CDH12: variants seen among roughly 807,000 people sequenced by gnomAD.
CDH12 encodes cadherin 12, also known as cadherin-12.
A neutral mutation model predicts 74.1 loss-of-function variants in CDH12; 41 were observed. The ratio of observed to expected loss-of-function variants is 0.55; its 90% confidence interval spans 0.43 to 0.72. The LOEUF (loss-of-function observed/expected upper bound fraction) is 0.72. Among genes scored for constraint, CDH12 ranks in the 30% least tolerant of loss-of-function variants. The pLI is 0.00. For synonymous variants in CDH12, 399 were observed against 355.0 expected (o/e 1.12, Z -1.39); for missense variants, 945 against 977.2 (o/e 0.97, Z 0.44).
At chr5:22,036,998 A>G (rs1453196822) in intron 5 of CDH12, among the ~76,000 whole-genome samples, 4 of 152,200 alleles carry the variant, frequency 2.6e-5, no homozygotes, top group African/African-American at 9.6e-5. Flanking sequence ...TTGTTAATCA[A>G]CTCTAAAATT....
chr5:22,722,357 G>A (rs1000590168), intron 1 of CDH12, among the ~76,000 whole-genome samples: 12 of 152,218 alleles, frequency 7.9e-5, no homozygotes, highest in African/African-American at 2.9e-4. Context: ...CCCTTGCAGA[G>A]TTATATCACA....
intron 3 of CDH12, among the ~76,000 whole-genome samples, chr5:22,234,212 A>T (rs1216105527): frequency 6.6e-6 from 1 of 152,190 alleles, no homozygotes; most frequent in Non-Finnish European, 1.5e-5. Flanking sequence ...AAAACAAAAC[A>T]TACAGAGGGA....
chr5:21,994,449 C>T (rs553947647), intron 5 of CDH12, among the ~76,000 whole-genome samples: 15 of 152,230 alleles, frequency 9.9e-5, no homozygotes, highest in African/African-American at 3.6e-4. Flanking sequence ...AAAAGAAAAA[C>T]AATATTCGGC....
chr5:22,140,389 A>T (rs1746716882), intron 4 of CDH12, among the ~76,000 whole-genome samples: 1 of 152,060 alleles, frequency 6.6e-6, no homozygotes, highest in Non-Finnish European at 1.5e-5. Flanking sequence ...AAAGAATGCC[A>T]CACAATAATT....
intron 2 of CDH12, among the ~76,000 whole-genome samples, chr5:22,426,276 C>A (rs1580636939): frequency 6.7e-6 from 1 of 148,712 alleles, no homozygotes; most frequent in East Asian, 2.0e-4. Flanking sequence ...CTGTTCCAAT[C>A]TATTTTATTT....
At chr5:22,129,731 C>A (rs1355204481) in intron 4 of CDH12, among the ~76,000 whole-genome samples, 2 of 151,774 alleles carry the variant, frequency 1.3e-5, no homozygotes, top group Non-Finnish European at 2.9e-5. Context: ...ATATAGAAAA[C>A]CAGCAGGCAA....
chr5:22,645,122 G>T (rs1739368751), intron 1 of CDH12, among the ~76,000 whole-genome samples: 1 of 152,028 alleles, frequency 6.6e-6, no homozygotes, highest in South Asian at 2.1e-4. Flanking sequence ...TATTATTTAA[G>T]AAATACATTT....
intron 8 of CDH12, among the ~76,000 whole-genome samples, chr5:21,823,801 C>T (rs1424954296): frequency 6.6e-6 from 1 of 152,106 alleles, no homozygotes; most frequent in Non-Finnish European, 1.5e-5. Flanking sequence ...TGCTCAGCTT[C>T]CCCAACCTTC....
intron 1 of CDH12, among the ~76,000 whole-genome samples, chr5:22,514,040 C>T (rs137925096): frequency 3.3e-4 from 49 of 148,250 alleles, no homozygotes; most frequent in African/African-American, 1.2e-3. Context: ...AAGTATAATA[C>T]AATTATTTTA....
chr5:22,249,084 C>T (rs1217890635), intron 3 of CDH12, among the ~76,000 whole-genome samples: 3 of 151,784 alleles, frequency 2.0e-5, no homozygotes, highest in Admixed American at 6.6e-5. Context: ...TCTGTGAATA[C>T]CCCCCAAAAT....
In CDH12 at chr5:21,802,204, T is replaced by C; in HGVS notation, c.1219A>G (p.Thr407Ala). The C allele has an allele frequency of 6.2e-7, 1 of 1,613,916 alleles. No individual in the cohort carries two copies. Among genetic ancestry groups the C allele is most frequent in the Non-Finnish European group, 8.5e-7 (1 of 1,179,904 alleles). The part of the protein sequence containing the change: ...TPVGTIIGAV[T>A]AQDLDVGSSA... ...CTGCCTACATCCAGGTCTTGAGCAGTGACAGCGCCAATGATGGTCCCTACC... is the reference window on the plus strand; with the variant it reads ...CTGCCTACATCCAGGTCTTGAGCAGCGACAGCGCCAATGATGGTCCCTACC... The change falls in exon 10 of 15, where the codon ACT becomes GCT. Residue 407 changes from threonine (T) to alanine (A), a missense_variant. By Grantham distance (58) the Thr-to-Ala change is moderately conservative. Transcript: ENST00000382254.
At chr5:21,842,113 AT>A in intron 8 of CDH12, 47 bp downstream of exon 8, 4 of 1,468,486 alleles carry the variant, frequency 2.7e-6, no homozygotes, top group Non-Finnish European at 3.7e-6. Flanking sequence ...ACACCATTAA[AT>A]TTTTTTAAAC....
At chr5:22,453,462 TATTAAGTGAAATAAGAC>T (rs1745134916) in intron 2 of CDH12, among the ~76,000 whole-genome samples, 1 of 152,132 alleles carries the variant, frequency 6.6e-6, no homozygotes, top group Non-Finnish European at 1.5e-5. Context: ...GAGGACATTA[TATTAAGTGAAATAAGAC>T]AAGCACAGAA....
intron 3 of CDH12, among the ~76,000 whole-genome samples, chr5:22,295,953 G>T (rs1190182100): frequency 6.6e-6 from 1 of 151,828 alleles, no homozygotes; most frequent in African/African-American, 2.4e-5. Flanking sequence ...ATTTCTATAG[G>T]TATTGTGTAC....
chr5:22,512,861 A>G (rs1736668470), intron 1 of CDH12, among the ~76,000 whole-genome samples: 2 of 152,090 alleles, frequency 1.3e-5, no homozygotes, highest in South Asian at 4.1e-4. Flanking sequence ...TCGGAGTTCA[A>G]GACTAGCCTG....
At chr5:21,884,989 G>T (rs565329996) in intron 6 of CDH12, among the ~76,000 whole-genome samples, 101 of 152,154 alleles carry the variant, frequency 6.6e-4, no homozygotes, top group Non-Finnish European at 1.0e-3. Context: ...GGGTTCAAAC[G>T]ATTCTCCTGC....
At chr5:22,703,681 TGCA>T (rs1305304200) in intron 1 of CDH12, among the ~76,000 whole-genome samples, 1 of 152,152 alleles carries the variant, frequency 6.6e-6, no homozygotes, top group Admixed American at 6.6e-5. Flanking sequence ...TATTTTCCAA[TGCA>T]GTTAATTTGG....
intron 1 of CDH12, among the ~76,000 whole-genome samples, chr5:22,716,573 T>C (rs1004934806): frequency 3.3e-5 from 5 of 150,822 alleles, no homozygotes; most frequent in Admixed American, 1.3e-4. Flanking sequence ...TAGTGTGTGC[T>C]CCTTAAGCCT....
intron 5 of CDH12, among the ~76,000 whole-genome samples, chr5:22,038,564 G>A (rs556310144): frequency 6.6e-6 from 1 of 152,312 alleles, no homozygotes; most frequent in Non-Finnish European, 1.5e-5. Context: ...AGGGGCCTCT[G>A]CTGAAGTTTC....
Sources: gnomAD v4.1 joint callset for allele counts (sites outside exome capture counted in the v4.1 genomes callset) on GRCh38, gnomAD v4.1.1 for gene constraint, MANE v1.5 for transcripts, NCBI Gene and HGNC (gene_info 2026-07-23, HGNC 2026-07-21) for gene names.